HMGA2: variants seen among roughly 807,000 people sequenced by gnomAD.
The protein encoded by HMGA2 is high mobility group AT-hook 2.
HMGA2 carries 8 observed loss-of-function variants against 19.1 expected under a neutral mutation model. That is an observed-to-expected ratio of 0.42 (90% confidence interval 0.25 to 0.76). The LOEUF (loss-of-function observed/expected upper bound fraction) is 0.76. Among genes scored for constraint, HMGA2 ranks in the 30% least tolerant of loss-of-function variants. HMGA2 has a pLI of 0.28. For missense variants in HMGA2, 109 were observed against 136.3 expected (o/e 0.80, Z 1.00); for synonymous variants, 60 against 48.8 (o/e 1.23, Z -0.96).
chr12:65,907,202 C>T (rs11175955), intron 3 of HMGA2, among the ~76,000 whole-genome samples: 2,065 of 152,074 alleles, frequency 0.014, 22 homozygotes, highest in Middle Eastern at 0.048. Flanking sequence ...CGAGACCAGC[C>T]TGGCCAACAT....
At chr12:65,960,505 C>T (rs1167520520) in intron 4 of HMGA2, among the ~76,000 whole-genome samples, 1 of 152,202 alleles carries the variant, frequency 6.6e-6, no homozygotes, top group African/African-American at 2.4e-5. Flanking sequence ...AAGGTGAGAG[C>T]TGAGGTTTGC....
chr12:65,894,156 C>T (rs924890287), intron 3 of HMGA2, among the ~76,000 whole-genome samples: 4 of 152,042 alleles, frequency 2.6e-5, no homozygotes, highest in African/African-American at 4.8e-5. Context: ...TTTTTTCTAA[C>T]GTGTTAAGGA....
chr12:65,863,517 A>G (rs1408870707), intron 3 of HMGA2, among the ~76,000 whole-genome samples: 1 of 152,248 alleles, frequency 6.6e-6, no homozygotes, highest in African/African-American at 2.4e-5. Context: ...AGAGGAGTAC[A>G]GTGTCCCTGG....
chr12:65,908,116 C>T (rs760474892), intron 3 of HMGA2, among the ~76,000 whole-genome samples: 1 of 152,074 alleles, frequency 6.6e-6, no homozygotes, highest in African/African-American at 2.4e-5. Context: ...AAGAATTTGC[C>T]TAAATTTGGT....
rs139661501 is a variant in HMGA2 at position 65,883,055 on chromosome 12, C to A, written c.249+44486C>A. 9.8e-5 allele frequency among the ~76,000 whole-genome samples: 15 copies of A among 152,304 alleles called. 1 individual carries two copies. Among genetic ancestry groups the A allele is most frequent in the African/African-American group, 3.1e-4 (13 of 41,566 alleles). On this transcript the variant is annotated intron_variant, in intron 3 of 4. Coordinates refer to ENST00000403681, the MANE Select transcript of HMGA2 (RefSeq NM_003483.6). ...TCTTCCCCGTTTAGATTTCCTGACTCTTTGTTTATCTTCTTTGTCAATGTG... is the reference window on the plus strand; with the variant it reads ...TCTTCCCCGTTTAGATTTCCTGACTATTTGTTTATCTTCTTTGTCAATGTG...
chr12:65,843,005 T>C (rs1275318269), intron 3 of HMGA2: 1 of 406,168 alleles, frequency 2.5e-6, no homozygotes, highest in Non-Finnish European at 3.7e-6. Context: ...TAATGAAGAC[T>C]ACATCAATGG....
chr12:65,828,208 T>C, intron 2 of HMGA2, 121 bp downstream of exon 2: 1 of 755,466 alleles, frequency 1.3e-6, no homozygotes, highest in Non-Finnish European at 2.4e-6. Context: ...AACACAAGAC[T>C]CATTTCTTAC....
In HMGA2 at chr12:65,892,362, G is replaced by A. The variant is rs529476210; in HGVS notation, c.249+53793G>A. Among the ~76,000 whole-genome samples, 23 of 152,210 alleles carry A rather than the reference G, an allele frequency of 1.5e-4. 1 individual carries two copies. Among genetic ancestry groups the A allele is most frequent in the South Asian group, 8.3e-4 (4 of 4,816 alleles). Reference sequence around the variant, plus strand: ...TTGGCCTGCCAGCACCACGAGAGTCGTCCCAACTGTGATTTTATTGCTTGA... The same window carrying A: ...TTGGCCTGCCAGCACCACGAGAGTCATCCCAACTGTGATTTTATTGCTTGA... On this transcript the variant is annotated intron_variant, in intron 3 of 4. Coordinates refer to ENST00000403681, the MANE Select transcript of HMGA2 (RefSeq NM_003483.6).
chr12:65,846,207 T>C (rs1280036176), intron 3 of HMGA2, among the ~76,000 whole-genome samples: 2 of 152,210 alleles, frequency 1.3e-5, no homozygotes, highest in Non-Finnish European at 2.9e-5. Context: ...GTTTTATAAG[T>C]TAGTTAAAAA....
chr12:65,854,380 A>T (rs1871624633), intron 3 of HMGA2, among the ~76,000 whole-genome samples: 1 of 152,208 alleles, frequency 6.6e-6, no homozygotes, highest in Non-Finnish European at 1.5e-5. Context: ...GGCTTTGACC[A>T]GTTTTCCCCT....
rs189867807 is a variant in HMGA2, at chr12:65,916,587, A to G, written c.250-34796A>G. Among the ~76,000 whole-genome samples the G allele has an allele frequency of 2.2e-4, 33 of 152,298 alleles. No individual in the cohort carries two copies. In the South Asian group the frequency reaches 3.3e-3, roughly 15 times the overall value. On this transcript the variant is annotated intron_variant, in intron 3 of 4. Coordinates refer to ENST00000403681, the MANE Select transcript of HMGA2 (RefSeq NM_003483.6). ...TTAATGCTTTATAAATCACTAGAAA[A>G]CACGTGACAGGAACTATTCCTGATC...
chr12:65,934,166 TA>T (rs906954651), intron 3 of HMGA2, among the ~76,000 whole-genome samples: 3 of 152,230 alleles, frequency 2.0e-5, no homozygotes, highest in African/African-American at 4.8e-5. Flanking sequence ...AATTCAGATT[TA>T]AATGGCTACA....
chr12:65,930,738 T>G (rs1429439670), intron 3 of HMGA2, among the ~76,000 whole-genome samples: 3 of 152,224 alleles, frequency 2.0e-5, no homozygotes, highest in African/African-American at 4.8e-5. Flanking sequence ...TTGGGGAAAT[T>G]GGTATTACGA....
At chr12:65,896,340 C>T (rs938137941) in intron 3 of HMGA2, among the ~76,000 whole-genome samples, 2 of 152,196 alleles carry the variant, frequency 1.3e-5, no homozygotes, top group African/African-American at 4.8e-5. Context: ...GGCCCTTTGG[C>T]GAATTCCCTC....
At chr12:65,929,573 C>A (rs1875634359) in intron 3 of HMGA2, among the ~76,000 whole-genome samples, 1 of 151,640 alleles carries the variant, frequency 6.6e-6, no homozygotes, top group South Asian at 2.1e-4. Flanking sequence ...TCCCTAAACC[C>A]CGAATCCCAG....
At chr12:65,881,517 C>T (rs919900180) in intron 3 of HMGA2, 23 of 576,276 alleles carry the variant, frequency 4.0e-5, no homozygotes, top group Non-Finnish European at 7.1e-5. Context: ...CAAAACAAAA[C>T]AAAAAACCAC....
chr12:65,879,910 C>T (rs973326850), intron 3 of HMGA2, among the ~76,000 whole-genome samples: 1 of 152,152 alleles, frequency 6.6e-6, no homozygotes, highest in South Asian at 2.1e-4. Context: ...TTAAAAACAA[C>T]TCGATGAATA....
At chr12:65,856,858 CT>C (rs1871771189) in intron 3 of HMGA2, 2 of 152,158 alleles carry the variant, frequency 1.3e-5, no homozygotes, top group Admixed American at 1.3e-4. Context: ...CTCTTTTCCT[CT>C]TATAAGGACA....
chr12:65,921,290 T>C (rs1213998992), intron 3 of HMGA2, among the ~76,000 whole-genome samples: 1 of 152,168 alleles, frequency 6.6e-6, no homozygotes, highest in Non-Finnish European at 1.5e-5. Flanking sequence ...GACGGAGTCT[T>C]GCTCTGTCAC....
Sources: gnomAD v4.1 joint callset for allele counts (sites outside exome capture counted in the v4.1 genomes callset) on GRCh38, gnomAD v4.1.1 for gene constraint, MANE v1.5 for transcripts, NCBI Gene and HGNC (gene_info 2026-07-23, HGNC 2026-07-21) for gene names.